Variants in ADGB observed in about 807,000 individuals in gnomAD.
ADGB encodes androglobin, also known as calpain-7-like protein.
A neutral mutation model predicts 210.5 loss-of-function variants in ADGB; 172 were observed. That is an observed-to-expected ratio of 0.82 (90% CI 0.72 to 0.93). The LOEUF is 0.93. Among genes scored for constraint, ADGB ranks in the 40% least tolerant of loss-of-function variants. The probability of loss-of-function intolerance (pLI) is 0.00; values close to 1 mark genes in which losing one functional copy is unlikely to be tolerated. For synonymous variants in ADGB, 658 were observed against 662.7 expected, an observed-to-expected ratio of 0.99 and a Z score of 0.11; for missense variants, 2,025 against 1,964.8, an observed-to-expected ratio of 1.03 and a Z score of -0.58.
At chr6:146,716,660 A>C (rs1015199701) in intron 14 of ADGB, among the ~76,000 whole-genome samples, 2 of 151,300 alleles carry the variant, frequency 1.3e-5, no homozygotes, top group Admixed American at 1.3e-4. Context: ...GTAATTCTGA[A>C]ATTTTTGAAC....
chr6:146,795,154 A>C (rs1383802871), intron 33 of ADGB, among the ~76,000 whole-genome samples: 1 of 152,230 alleles, frequency 6.6e-6, no homozygotes, highest in Non-Finnish European at 1.5e-5. Flanking sequence ...AAGTAAACAA[A>C]CAACTAAACA....
At chr6:146,813,132 G>C (rs1220496934) in intron 35 of ADGB, among the ~76,000 whole-genome samples, 1 of 152,100 alleles carries the variant, frequency 6.6e-6, no homozygotes, top group Non-Finnish European at 1.5e-5. Context: ...CTGTTTACTA[G>C]ATTTCTGTGG....
At chr6:146,808,280 G>A (rs574784320) in intron 35 of ADGB, among the ~76,000 whole-genome samples, 12 of 152,204 alleles carry the variant, frequency 7.9e-5, no homozygotes, top group East Asian at 5.8e-4. Context: ...GAATACAGGC[G>A]TGAGCCACCA....
chr6:146,605,014 G>C (rs1417713800), intron 1 of ADGB, among the ~76,000 whole-genome samples: 4 of 152,102 alleles, frequency 2.6e-5, no homozygotes, highest in African/African-American at 7.2e-5. Context: ...CAGGCAACAG[G>C]AATGTGGGGA....
At chr6:146,686,344 A>G (rs1201913324) in intron 10 of ADGB, among the ~76,000 whole-genome samples, 1 of 152,110 alleles carries the variant, frequency 6.6e-6, no homozygotes, top group African/African-American at 2.4e-5. Flanking sequence ...AAATTTAGAA[A>G]ATGTAGTGAA....
At chr6:146,807,079 G>C (rs1238638835) in intron 35 of ADGB, among the ~76,000 whole-genome samples, 1 of 152,174 alleles carries the variant, frequency 6.6e-6, no homozygotes, top group East Asian at 1.9e-4. Flanking sequence ...CTTTGCAAGA[G>C]ACATTGGGCT....
At chr6:146,674,666 G>T (rs1447754648) in intron 8 of ADGB, among the ~76,000 whole-genome samples, 1 of 152,152 alleles carries the variant, frequency 6.6e-6, no homozygotes, top group Non-Finnish European at 1.5e-5. Context: ...TTCTCACGGA[G>T]ATTTAAAATA....
chr6:146,793,837 G>A (rs1777992475), intron 33 of ADGB, among the ~76,000 whole-genome samples: 1 of 152,168 alleles, frequency 6.6e-6, no homozygotes, highest in Admixed American at 6.5e-5. Context: ...CCCCTAAGAA[G>A]GTACAAAGTC....
chr6:146,787,715 CACCTTTCTTATTTCAACATTTCTTCAT>C (rs1777894665), intron 32 of ADGB, among the ~76,000 whole-genome samples: 1 of 146,958 alleles, frequency 6.8e-6, no homozygotes, highest in African/African-American at 2.6e-5. Context: ...TTCCTATTGC[CACCTTTCTTATTTCAACATTTCTTCAT>C]GCTCTTAAGT....
At chr6:146,706,743 C>T (rs918291031) in intron 13 of ADGB, among the ~76,000 whole-genome samples, 3 of 150,332 alleles carry the variant, frequency 2.0e-5, no homozygotes, top group Non-Finnish European at 4.4e-5. Flanking sequence ...TGTAATGCTT[C>T]CTTTTTTATT....
chr6:146,677,962 T>C (rs1385150091), intron 9 of ADGB, among the ~76,000 whole-genome samples: 3 of 152,246 alleles, frequency 2.0e-5, no homozygotes, highest in Non-Finnish European at 4.4e-5. Context: ...TGTTAATTCT[T>C]ACATGTGCTA....
At chr6:146,622,905 A>C (rs994778539) in intron 1 of ADGB, among the ~76,000 whole-genome samples, 1 of 152,020 alleles carries the variant, frequency 6.6e-6, no homozygotes. Context: ...GCGTAAATTG[A>C]TGTTTATTTT....
intron 22 of ADGB, 56 bp downstream of exon 22, chr6:146,734,086 A>T (rs1777044311): frequency 6.7e-7 from 1 of 1,493,628 alleles, no homozygotes; most frequent in South Asian, 1.3e-5. Context: ...ATAAATATTT[A>T]TGTGTGTTAA....
intron 27 of ADGB, among the ~76,000 whole-genome samples, chr6:146,760,274 A>G (rs1401579527): frequency 6.6e-6 from 1 of 151,838 alleles, no homozygotes; most frequent in African/African-American, 2.4e-5. Context: ...CCTCACCCTC[A>G]AAGAGGCAAT....
rs866966658 is a variant in ADGB, at chr6:146,788,526, G to A, written c.4453G>A (p.Ala1485Thr). Residue 1485 changes from alanine to threonine, a missense_variant, in exon 33 of 36, where the codon GCA (alanine) becomes ACA (threonine). Coordinates refer to ENST00000397944, the MANE Select transcript of ADGB (RefSeq NM_024694.4). ...WQLTKGLRDV[A>T]KSTSSESGGV... The stretch of plus-strand genomic sequence containing the variant: ...ATTGACCAAAGGCTTGAGGGATGTG[G>A]CAAAATCCACGAGTAGCGAAAGTGG... 1 of 1,551,616 alleles carries A rather than the reference G, an allele frequency of 6.4e-7. No individual in the cohort carries two copies. The highest frequency in any genetic ancestry group is 2.4e-5 in the East Asian group (1 of 40,926).
chr6:146,744,672 C>T (rs955485495), intron 25 of ADGB, among the ~76,000 whole-genome samples: 5 of 151,922 alleles, frequency 3.3e-5, no homozygotes, highest in African/African-American at 1.2e-4. Context: ...ATACTCAAGA[C>T]CATACACTGT....
chr6:146,755,635 G>A (rs919882069), intron 27 of ADGB, among the ~76,000 whole-genome samples: 1 of 151,828 alleles, frequency 6.6e-6, no homozygotes, highest in Non-Finnish European at 1.5e-5. Context: ...TTATCTAGTC[G>A]GGCAGTTATT....
chr6:146,799,507 C>G (rs1478333586), intron 33 of ADGB, among the ~76,000 whole-genome samples: 2 of 131,276 alleles, frequency 1.5e-5, no homozygotes, highest in African/African-American at 5.7e-5. Flanking sequence ...GCACTCCAGT[C>G]TAGCAACAGA....
chr6:146,634,160 CAGCTGTACAGGTTTAT>C (rs1775360738), intron 1 of ADGB, among the ~76,000 whole-genome samples: 3 of 152,088 alleles, frequency 2.0e-5, no homozygotes. Flanking sequence ...AGGACAGTAA[CAGCTGTACAGGTTTAT>C]AGCCTAGGAG....
Sources: allele counts gnomAD v4.1 joint callset (sites outside exome capture counted in the v4.1 genomes callset), GRCh38; gene constraint gnomAD v4.1.1; transcripts MANE v1.5; gene names NCBI Gene and HGNC (gene_info 2026-07-23, HGNC 2026-07-21).